FBXL7: variants seen among roughly 807,000 people sequenced by gnomAD.
FBXL7 encodes F-box/LRR-repeat protein 7.
A neutral mutation model predicts 38.3 loss-of-function variants in FBXL7; 12 were observed. The ratio of observed to expected loss-of-function variants is 0.31; its 90% CI spans 0.20 to 0.51. FBXL7 has a LOEUF of 0.51. FBXL7 is among the 20% of genes least tolerant of loss of function. FBXL7 has a pLI of 0.98. For synonymous variants in FBXL7, 297 were observed against 300.9 expected (o/e 0.99, Z 0.13); for missense variants, 567 against 676.4 (o/e 0.84, Z 1.79).
chr5:15,685,228 A>G (rs1016603344), intron 2 of FBXL7, among the ~76,000 whole-genome samples: 3 of 152,290 alleles, frequency 2.0e-5, no homozygotes, highest in Middle Eastern at 3.4e-3. Context: ...TTATGTTCAT[A>G]GTGTGAATAT....
chr5:15,646,071 C>T (rs1278443834), intron 2 of FBXL7, among the ~76,000 whole-genome samples: 1 of 152,140 alleles, frequency 6.6e-6, no homozygotes, highest in Non-Finnish European at 1.5e-5. Flanking sequence ...GTTAAGCCAC[C>T]AACCTCTCTG....
chr5:15,644,059 C>T (rs1741450776), intron 2 of FBXL7, among the ~76,000 whole-genome samples: 1 of 152,176 alleles, frequency 6.6e-6, no homozygotes, highest in Admixed American at 6.5e-5. Flanking sequence ...CTTGCCAAGT[C>T]TGTCCTCCTT....
intron 1 of FBXL7, among the ~76,000 whole-genome samples, chr5:15,594,555 C>A (rs550280990): frequency 8.5e-5 from 13 of 152,292 alleles, no homozygotes; most frequent in Middle Eastern, 6.8e-3. Context: ...CCAGCTCACA[C>A]TGGGGATGGA....
chr5:15,687,450 C>T (rs900778194), intron 2 of FBXL7, among the ~76,000 whole-genome samples: 2 of 152,186 alleles, frequency 1.3e-5, no homozygotes, highest in Non-Finnish European at 2.9e-5. Flanking sequence ...ATCAAAGAGG[C>T]CCACATGCAC....
chr5:15,651,703 C>T (rs976614693), intron 2 of FBXL7, among the ~76,000 whole-genome samples: 1 of 152,150 alleles, frequency 6.6e-6, no homozygotes, highest in Non-Finnish European at 1.5e-5. Context: ...TTCATCAGAG[C>T]CCTAAGATTT....
In FBXL7 at chr5:15,684,060, G is replaced by A. The variant is rs1180079143; in HGVS notation, c.127+67988G>A. Reference sequence around the variant, plus strand: ...TGATTATTTAGATAAATTTCAATATGGTTTAAATTCTAATTTTAACATGCT... The same window carrying A: ...TGATTATTTAGATAAATTTCAATATAGTTTAAATTCTAATTTTAACATGCT... On this transcript the variant is annotated intron_variant, in intron 2 of 3. Coordinates refer to ENST00000504595, the MANE Select transcript of FBXL7 (RefSeq NM_012304.5). Among the ~76,000 whole-genome samples, 3 of 152,112 alleles carry A rather than the reference G, an allele frequency of 2.0e-5. No homozygotes were observed. The South Asian group carries it at 6.2e-4, about 32-fold the overall frequency.
At chr5:15,577,771 G>C (rs1313053119) in intron 1 of FBXL7, among the ~76,000 whole-genome samples, 2 of 152,122 alleles carry the variant, frequency 1.3e-5, no homozygotes, top group Non-Finnish European at 2.9e-5. Flanking sequence ...GTATTTGTCT[G>C]CCACTGTCCG....
intron 2 of FBXL7, among the ~76,000 whole-genome samples, chr5:15,754,006 G>A (rs1273819325): frequency 6.6e-6 from 1 of 152,178 alleles, no homozygotes; most frequent in Non-Finnish European, 1.5e-5. Flanking sequence ...AAAAGTGTTG[G>A]ATTAATTCAA....
chr5:15,663,016 G>A (rs775551610), intron 2 of FBXL7, among the ~76,000 whole-genome samples: 6 of 152,064 alleles, frequency 3.9e-5, no homozygotes, highest in Non-Finnish European at 5.9e-5. Context: ...TTTTAAAATC[G>A]TTTTTTCTAG....
intron 1 of FBXL7, among the ~76,000 whole-genome samples, chr5:15,596,487 A>G (rs2126487377): frequency 6.6e-6 from 1 of 152,274 alleles, no homozygotes; most frequent in Admixed American, 6.5e-5. Context: ...ACATAGTGGG[A>G]CCCTGTCTCC....
intron 2 of FBXL7, among the ~76,000 whole-genome samples, chr5:15,624,875 T>TG (rs1351043817): frequency 6.6e-6 from 1 of 151,956 alleles, no homozygotes; most frequent in Non-Finnish European, 1.5e-5. Context: ...GTTTGTTTTT[T>TG]TTTTTTTTTC....
chr5:15,609,597 C>T (rs138317986), intron 1 of FBXL7, among the ~76,000 whole-genome samples: 1 of 152,322 alleles, frequency 6.6e-6, no homozygotes, highest in Non-Finnish European at 1.5e-5. Flanking sequence ...CTTGTTGCGG[C>T]TAATAGAAGC....
At chr5:15,758,641 T>C (rs186282459) in intron 2 of FBXL7, among the ~76,000 whole-genome samples, 81 of 152,322 alleles carry the variant, frequency 5.3e-4, no homozygotes, top group African/African-American at 1.9e-3. Flanking sequence ...TTTCACAGCA[T>C]ATTTGTTTTA....
chr5:15,845,130 T>C lies in FBXL7; in HGVS notation c.128-82760T>C, dbSNP rs1483316543. On this transcript the variant is annotated intron_variant, in intron 2 of 3. Coordinates refer to ENST00000504595, the MANE Select transcript of FBXL7 (RefSeq NM_012304.5). ...TTGCACAAGTTAGTACCCAATTGTGTTGATCCCTCTGATTTAACTGCTGGG... is the reference window on the plus strand; with the variant it reads ...TTGCACAAGTTAGTACCCAATTGTGCTGATCCCTCTGATTTAACTGCTGGG... Among the ~76,000 whole-genome samples, 4 of 152,352 alleles carry C rather than the reference T, an allele frequency of 2.6e-5. No individual in the cohort carries two copies. In the East Asian group the frequency reaches 7.7e-4, roughly 29 times the overall value.
chr5:15,879,275 G>A (rs1382085491), intron 2 of FBXL7, among the ~76,000 whole-genome samples: 3 of 152,152 alleles, frequency 2.0e-5, no homozygotes, highest in Non-Finnish European at 2.9e-5. Flanking sequence ...CAGTTGTGAA[G>A]GGAAAAGAAA....
intron 2 of FBXL7, among the ~76,000 whole-genome samples, chr5:15,906,307 A>C (rs1316779678): frequency 6.6e-6 from 1 of 152,110 alleles, no homozygotes; most frequent in Non-Finnish European, 1.5e-5. Flanking sequence ...CTATAAATAT[A>C]AACTTCTAAG....
In FBXL7 at chr5:15,552,933, T is replaced by G. The variant is rs2126424664; in HGVS notation, c.37+52220T>G. Among the ~76,000 whole-genome samples, 4 of 152,090 alleles carry G rather than the reference T, an allele frequency of 2.6e-5. 1 individual carries two copies. In the South Asian group the frequency reaches 8.3e-4, roughly 32 times the overall value. ...CTTATCTCTACTAAAAATACAAAAA[T>G]TAGCCAGGCGTGATGGCACGCACCT... On this transcript the variant is annotated intron_variant, in intron 1 of 3. Transcript: ENST00000504595.
chr5:15,541,443 G>GTGTGTGTGTATA (rs1264820921), intron 1 of FBXL7, among the ~76,000 whole-genome samples: 5 of 38,444 alleles, frequency 1.3e-4, no homozygotes, highest in African/African-American at 4.7e-4. Flanking sequence ...GTGTGTGTGT[G>GTGTGTGTGTATA]TATATATATA....
intron 2 of FBXL7, among the ~76,000 whole-genome samples, chr5:15,867,494 T>C (rs984731928): frequency 2.6e-5 from 4 of 152,214 alleles, no homozygotes; most frequent in African/African-American, 9.7e-5. Context: ...CAGAACATCC[T>C]TGTATCTTCA....
Sources: gnomAD v4.1 joint callset for allele counts (sites outside exome capture counted in the v4.1 genomes callset) on GRCh38, gnomAD v4.1.1 for gene constraint, MANE v1.5 for transcripts, NCBI Gene and HGNC (gene_info 2026-07-23, HGNC 2026-07-21) for gene names.